The following EPHB3 variants were observed in gnomAD, a reference collection of about 807,000 sequenced individuals.
EPHB3 encodes EPH receptor B3, also known as ephrin type-B receptor 3.
Under a neutral mutation model 100.2 loss-of-function variants are expected in EPHB3, and 33 were observed. The observed-to-expected ratio is 0.33, with a 90% confidence interval of 0.25 to 0.44. EPHB3 has a LOEUF of 0.44. EPHB3 is among the 20% of genes least tolerant of loss of function. The pLI is 1.00. For synonymous variants in EPHB3, 526 were observed against 554.7 expected, an observed-to-expected ratio of 0.95 and a Z score of 0.73; for missense variants, 1,045 against 1,378.3, an observed-to-expected ratio of 0.76 and a Z score of 3.83.
chr3:184,571,161 T>G lies in EPHB3; in HGVS notation c.119-157T>G, dbSNP rs1467045841. Among the ~76,000 whole-genome samples the G allele has an allele frequency of 6.6e-6, 1 of 151,964 alleles. No homozygotes were observed. Among genetic ancestry groups the G allele is most frequent in the Non-Finnish European group, 1.5e-5 (1 of 67,978 alleles). On this transcript the variant is annotated intron_variant, in intron 1 of 15. Coordinates refer to ENST00000330394, the MANE Select transcript of EPHB3 (RefSeq NM_004443.4). This position sits in a 1 kb window ranked among gnomAD's most constrained non-coding sequence, Gnocchi z 5.0. ...TAGAGATGGGGTTTCAACATGTTGG[T>G]CAGACTGATCTCAAACTCCTGACCT...
In EPHB3 at chr3:184,580,526, T is replaced by A; in HGVS notation, c.2297T>A (p.Val766Asp). The A allele has an allele frequency of 6.2e-7, 1 of 1,614,228 alleles. No homozygotes were observed. The highest frequency in any genetic ancestry group is 8.5e-7 in the Non-Finnish European group (1 of 1,180,038). ...HRDLAARNIL[V>D]NSNLVCKVSD... ...GACCTGGCTGCTCGCAACATCCTTG[T>A]CAACAGCAACCTGGTCTGCAAAGTC... The change falls in exon 12 of 16, where the codon GTC (valine) becomes GAC (aspartate). Residue 766 changes from valine (V) to aspartate (D), a missense_variant. This residue lies in a region of EPHB3 where 985 missense variants were observed against 1,331.1 expected (regional missense o/e 0.74). Coordinates refer to ENST00000330394, the MANE Select transcript of EPHB3 (RefSeq NM_004443.4).
At position 184,577,624 on chromosome 3, in the gene EPHB3, A is replaced by G; in HGVS notation, c.1480-34A>G. On this transcript the variant is annotated intron_variant, in intron 6 of 15. Coordinates refer to ENST00000330394, the MANE Select transcript of EPHB3 (RefSeq NM_004443.4). The surrounding 1 kb of genome is among the most constrained non-coding windows in gnomAD (Gnocchi z 4.9). ...TAGGGGCTGGTTGGCCTCAGGACCC[A>G]CCTGAGGGTGCCCCCTCTCTCCTGG... is the stretch of plus-strand genomic sequence containing the variant. 2 of 1,573,414 alleles carry G rather than the reference A, an allele frequency of 1.3e-6. No homozygotes were observed. Among genetic ancestry groups the G allele is most frequent in the Non-Finnish European group, 1.7e-6 (2 of 1,155,458 alleles).
chr3:184,566,542 G>A (rs1714390155), intron 1 of EPHB3, among the ~76,000 whole-genome samples: 1 of 152,136 alleles, frequency 6.6e-6, no homozygotes, highest in South Asian at 2.1e-4. Flanking sequence ...TGATCCTCAC[G>A]CTGACCTCCC....
Position 184,562,337 on chromosome 3 carries a change from C to T in EPHB3, c.102C>T (p.Gly34=). The T allele has an allele frequency of 2.4e-6, 3 of 1,238,730 alleles. No individual in the cohort carries two copies. The highest frequency in any genetic ancestry group is 6.8e-5 in the East Asian group (2 of 29,502). The allele number at this position is 1,238,730 out of a possible 1,614,324, so 76.7% of individuals were successfully genotyped here. A position where few individuals can be genotyped will look rare whatever the true frequency, so the allele number is the denominator to read the frequency against. ...TGCCGCTGCTGCTGCTGCCCGCCGGCTGCCGGGCGCTGGAAGGTGAGCGGC... is the reference window on the plus strand; with the variant it reads ...TGCCGCTGCTGCTGCTGCCCGCCGGTTGCCGGGCGCTGGAAGGTGAGCGGC... The part of the protein sequence containing the change: ...LLLPLLLLPA[G]CRALEETLMD... The change falls in exon 1 of 16, where the codon GGC becomes GGT. Residue 34 remains glycine, a synonymous_variant. Coordinates refer to ENST00000330394, the MANE Select transcript of EPHB3 (RefSeq NM_004443.4). This position sits in a 1 kb window ranked among gnomAD's most constrained non-coding sequence, Gnocchi z 4.8.
Position 184,577,744 on chromosome 3 carries a change from G to A in EPHB3, c.1566G>A (p.Gln522=). The change falls in exon 7 of 16, where the codon CAG becomes CAA. Residue 522 remains glutamine, a synonymous_variant. Transcript: ENST00000330394. This position sits in a 1 kb window ranked among gnomAD's most constrained non-coding sequence, Gnocchi z 4.9. ...GLRPDARYVV[Q]VRARTVAGYG... ...GGCCTGACGCCCGCTATGTGGTCCA[G>A]GTCCGTGCCCGCACAGTAGCTGGCT... The A allele has an allele frequency of 6.2e-7, 1 of 1,612,022 alleles. No homozygotes were observed. The highest frequency in any genetic ancestry group is 1.1e-5 in the South Asian group (1 of 90,978).
intron 4 of EPHB3, among the ~76,000 whole-genome samples, chr3:184,576,454 G>C (rs1714679879): frequency 6.6e-6 from 1 of 152,202 alleles, no homozygotes; most frequent in Non-Finnish European, 1.5e-5. Context: ...ATTGTGCTGG[G>C]TATCGAGGGT....
In EPHB3 at chr3:184,573,390, A is replaced by G. The variant is rs1044115320; in HGVS notation, c.856+214A>G. On this transcript the variant is annotated intron_variant, in intron 3 of 15. Coordinates refer to ENST00000330394, the MANE Select transcript of EPHB3 (RefSeq NM_004443.4). The surrounding 1 kb of genome is among the most constrained non-coding windows in gnomAD (Gnocchi z 4.5). ...AAATGAGGAGAGACACAAGGATAGTAAGAGAAAAAATGACATTAAAGAGAG... is the reference window on the plus strand; with the variant it reads ...AAATGAGGAGAGACACAAGGATAGTGAGAGAAAAAATGACATTAAAGAGAG... 2.0e-5 allele frequency among the ~76,000 whole-genome samples: 3 copies of G among 152,172 alleles called. No homozygotes were observed. The highest frequency in any genetic ancestry group is 2.1e-4 in the South Asian group (1 of 4,830).
chr3:184,581,941 G>A lies in EPHB3; in HGVS notation c.*319G>A. On this transcript the variant is annotated 3_prime_UTR_variant, in exon 16 of 16. Coordinates refer to ENST00000330394, the MANE Select transcript of EPHB3 (RefSeq NM_004443.4). ...TCTGTTCTTCAGTGCTGGAGGTCCT[G>A]GCAGGGTCAGGCTGGGGTAAGCCGG... The A allele has an allele frequency of 4.0e-6, 1 of 252,642 alleles. No homozygotes were observed. The highest frequency in any genetic ancestry group is 7.5e-6 in the Non-Finnish European group (1 of 132,872). 15.7% of individuals were successfully genotyped at this position (252,642 alleles called of 1,614,324 possible).
chr3:184,562,273 C>A lies in EPHB3; in HGVS notation c.38C>A (p.Pro13Gln). 4 of 1,200,902 alleles carry A rather than the reference C, an allele frequency of 3.3e-6. No individual in the cohort carries two copies. The highest frequency in any genetic ancestry group is 4.2e-6 in the Non-Finnish European group (4 of 961,552). 74.4% of individuals were successfully genotyped at this position (1,200,902 alleles called of 1,614,324 possible). A position where few individuals can be genotyped will look rare whatever the true frequency, so the allele number is the denominator to read the frequency against. Residue 13 changes from proline to glutamine, a missense_variant, in exon 1 of 16, where the codon CCG (proline) becomes CAG (glutamine). Physicochemically the swap from Pro to Gln is moderately conservative, Grantham distance 76. This residue lies in a region of EPHB3 where 60 missense variants were observed against 47.2 expected (regional missense o/e 1.27). Transcript: ENST00000330394. The surrounding 1 kb of genome is among the most constrained non-coding windows in gnomAD (Gnocchi z 4.8). ...RARPPPPPSP[P>Q]PGLLPLLPPL... The stretch of plus-strand genomic sequence containing the variant: ...CGCCCGCCGCCGCCGCCGTCGCCGC[C>A]GCCGGGGCTTCTGCCGCTGCTCCCT...
chr3:184,578,152 C>A lies in EPHB3; in HGVS notation c.1748+146C>A, dbSNP rs934355224. 23 of 938,198 alleles carry A rather than the reference C, an allele frequency of 2.5e-5. No individual in the cohort carries two copies. In the Middle Eastern group the frequency reaches 9.1e-4, roughly 37 times the overall value. The allele number at this position is 938,198 out of a possible 1,614,324, so 58.1% of individuals were successfully genotyped here. On this transcript the variant is annotated intron_variant, in intron 8 of 15. Transcript: ENST00000330394. This position sits in a 1 kb window ranked among gnomAD's most constrained non-coding sequence, Gnocchi z 4.7. ...CTGGGGCCAGCCGTTGCTGGAGAAGCCCTCTCCCATCCCTGCCTGTGTCTT... is the reference window on the plus strand; with the variant it reads ...CTGGGGCCAGCCGTTGCTGGAGAAGACCTCTCCCATCCCTGCCTGTGTCTT...
In EPHB3 at chr3:184,580,539, G is replaced by T; in HGVS notation, c.2310G>T (p.Leu770=). 6.2e-7 allele frequency: 1 copy of T among 1,614,204 alleles called. No individual in the cohort carries two copies. Among genetic ancestry groups the T allele is most frequent in the Admixed American group, 1.7e-5 (1 of 60,032 alleles). ...AARNILVNSN[L]VCKVSDFGLS... Reference sequence around the variant, plus strand: ...GCAACATCCTTGTCAACAGCAACCTGGTCTGCAAAGTCTCAGACTTTGGCC... The same window carrying T: ...GCAACATCCTTGTCAACAGCAACCTTGTCTGCAAAGTCTCAGACTTTGGCC... Residue 770 remains leucine (L), a synonymous_variant, in exon 12 of 16, where the codon CTG becomes CTT. Coordinates refer to ENST00000330394, the MANE Select transcript of EPHB3 (RefSeq NM_004443.4).
chr3:184,565,226 T>C lies in EPHB3; in HGVS notation c.118+2873T>C, dbSNP rs534615777. Among the ~76,000 whole-genome samples, 1 of 152,178 alleles carries C rather than the reference T, an allele frequency of 6.6e-6. No homozygotes were observed. The highest frequency in any genetic ancestry group is 2.1e-4 in the South Asian group (1 of 4,824). On this transcript the variant is annotated intron_variant, in intron 1 of 15. Coordinates refer to ENST00000330394, the MANE Select transcript of EPHB3 (RefSeq NM_004443.4). The surrounding 1 kb of genome is among the most constrained non-coding windows in gnomAD (Gnocchi z 4.8). Reference sequence around the variant, plus strand: ...TGATTGTCCCCTTCCCCCATGCAAATTGCCCTGGGCTTTACGCACAGCCAC... The same window carrying C: ...TGATTGTCCCCTTCCCCCATGCAAACTGCCCTGGGCTTTACGCACAGCCAC...
At chr3:184,567,703 G>C (rs1434938619) in intron 1 of EPHB3, among the ~76,000 whole-genome samples, 1 of 152,216 alleles carries the variant, frequency 6.6e-6, no homozygotes, top group Admixed American at 6.5e-5. Flanking sequence ...GGAAACTGGT[G>C]TTTGTGTTTG....
In EPHB3 at chr3:184,580,463, G is replaced by T. The variant is rs774373853; in HGVS notation, c.2234G>T (p.Gly745Val). The T allele has an allele frequency of 2.5e-6, 4 of 1,614,070 alleles. No individual in the cohort carries two copies. Residue 745 changes from glycine to valine, a missense_variant, in exon 12 of 16, where the codon GGC becomes GTC. By Grantham distance (109) the Gly-to-Val change is moderately radical. Around this residue, in one of 2 missense-constraint regions of EPHB3, gnomAD observed 985 missense variants for 1,331.1 expected, o/e 0.74. Transcript: ENST00000330394. ...GGCATGTTGCGGGGCATTGCTGCCG[G>T]CATGAAGTACCTGTCCGAGATGAAC... ...LVGMLRGIAAGMKYLSEMNYV... is the reference protein window; with the variant it reads ...LVGMLRGIAAVMKYLSEMNYV...
chr3:184,578,730 C>A lies in EPHB3; in HGVS notation c.1801+264C>A, dbSNP rs750689977. On this transcript the variant is annotated intron_variant, in intron 9 of 15. Coordinates refer to ENST00000330394, the MANE Select transcript of EPHB3 (RefSeq NM_004443.4). The surrounding 1 kb of genome is among the most constrained non-coding windows in gnomAD (Gnocchi z 4.7). ...CTGTGGGAAAGACAAGATGCAAACA[C>A]ACAGGAAACAATTTGAGAACAATTA... Among the ~76,000 whole-genome samples the A allele has an allele frequency of 2.6e-5, 4 of 152,194 alleles. No individual in the cohort carries two copies. Among genetic ancestry groups the A allele is most frequent in the Non-Finnish European group, 5.9e-5 (4 of 68,042 alleles).
At position 184,581,564 on chromosome 3, in the gene EPHB3, T is replaced by G; in HGVS notation, c.2939T>G (p.Leu980Arg). Residue 980 changes from leucine to arginine, a missense_variant, in exon 16 of 16, where the codon CTG becomes CGG. This residue lies in a region of EPHB3 where 985 missense variants were observed against 1,331.1 expected (regional missense o/e 0.74). Coordinates refer to ENST00000330394, the MANE Select transcript of EPHB3 (RefSeq NM_004443.4). Reference sequence around the variant, plus strand: ...CTGGCCGGCCACCAGAAGAAGATCCTGAGCAGTATCCAGGACATGCGGCTG... The same window carrying G: ...CTGGCCGGCCACCAGAAGAAGATCCGGAGCAGTATCCAGGACATGCGGCTG... Reference protein sequence around the residue: ...VTLAGHQKKILSSIQDMRLQM... With the variant: ...VTLAGHQKKIRSSIQDMRLQM... The G allele has an allele frequency of 6.2e-7, 1 of 1,613,926 alleles. No homozygotes were observed. The highest frequency in any genetic ancestry group is 8.5e-7 in the Non-Finnish European group (1 of 1,179,972).
rs1310681804 is a variant in EPHB3, at chr3:184,572,648, A to G, written c.328A>G (p.Lys110Glu). Residue 110 changes from lysine (K) to glutamate (E), a missense_variant, in exon 3 of 16, where the codon AAG becomes GAG. Physicochemically the swap from Lys to Glu is moderately conservative, Grantham distance 56. Transcript: ENST00000330394. This position sits in a 1 kb window ranked among gnomAD's most constrained non-coding sequence, Gnocchi z 6.6. ...TGTGCAGCGGGTCTACGTGGAGCTCAAGTTCACTGTGCGTGACTGCAACAG... is the reference window on the plus strand; with the variant it reads ...TGTGCAGCGGGTCTACGTGGAGCTCGAGTTCACTGTGCGTGACTGCAACAG... ...RDVQRVYVEL[K>E]FTVRDCNSIP... is the part of the protein sequence containing the mutation. The G allele has an allele frequency of 1.3e-6, 2 of 1,569,870 alleles. No homozygotes were observed. The highest frequency in any genetic ancestry group is 2.3e-5 in the East Asian group (1 of 44,390).
At position 184,571,689 on chromosome 3, in the gene EPHB3, T is replaced by G. The variant is rs1415186346; in HGVS notation, c.183+307T>G. On this transcript the variant is annotated intron_variant, in intron 2 of 15. Coordinates refer to ENST00000330394, the MANE Select transcript of EPHB3 (RefSeq NM_004443.4). This position sits in a 1 kb window ranked among gnomAD's most constrained non-coding sequence, Gnocchi z 5.0. Reference sequence around the variant, plus strand: ...CCATCCCCACCATCTCCCTCCTCCCTGGGTCCCTGGAGAAAACACTGGCTT... The same window carrying G: ...CCATCCCCACCATCTCCCTCCTCCCGGGGTCCCTGGAGAAAACACTGGCTT... Among the ~76,000 whole-genome samples the G allele has an allele frequency of 1.3e-5, 2 of 152,154 alleles. No homozygotes were observed. The highest frequency in any genetic ancestry group is 3.8e-4 in the East Asian group (2 of 5,202).
chr3:184,576,863 G>A lies in EPHB3; in HGVS notation c.1034G>A (p.Gly345Asp), dbSNP rs1188006452. The A allele has an allele frequency of 1.3e-5, 20 of 1,550,220 alleles. No homozygotes were observed. The highest frequency in any genetic ancestry group is 1.7e-5 in the Non-Finnish European group (20 of 1,144,090). ...ACTTVPSPPR[G>D]VISNVNETSL... ...ACAGCCGTGCCATCTCCACCCCGAG[G>A]TGTGATCTCCAATGTGAATGAAACC... Residue 345 changes from glycine (G) to aspartate (D), a missense_variant, in exon 5 of 16, where the codon GGT becomes GAT. Transcript: ENST00000330394.
Sources: gnomAD v4.1 joint callset for allele counts (sites outside exome capture counted in the v4.1 genomes callset) on GRCh38, gnomAD v4.1.1 for gene constraint, gnomAD v4.1.1 regional missense constraint, Gnocchi (gnomAD v3.1) non-coding constraint, MANE v1.5 for transcripts, NCBI Gene and HGNC (gene_info 2026-07-23, HGNC 2026-07-21) for gene names.